The following LRRC20 variants were observed in gnomAD, a reference collection of about 807,000 sequenced individuals.
LRRC20 encodes leucine rich repeat containing 20.
A neutral mutation model predicts 14.4 loss-of-function variants in LRRC20; 11 were observed. The observed-to-expected ratio is 0.77, with a 90% CI of 0.48 to 1.27. LRRC20 has a LOEUF of 1.27. Among genes scored for constraint, LRRC20 ranks in the 50% most tolerant of loss-of-function variants. LRRC20 has a pLI of 0.00. For missense variants in LRRC20, 219 were observed against 251.2 expected (o/e 0.87, Z 0.87); for synonymous variants, 121 against 107.3 (o/e 1.13, Z -0.79).
chr10:70,311,944 T>C (rs1841683724), intron 4 of LRRC20, among the ~76,000 whole-genome samples: 2 of 152,226 alleles, frequency 1.3e-5, no homozygotes, highest in Admixed American at 1.3e-4. Context: ...TCTCACTAAT[T>C]GTTAGCAATA....
chr10:70,374,599 C>G (rs1844437973), intron 2 of LRRC20, among the ~76,000 whole-genome samples: 1 of 152,156 alleles, frequency 6.6e-6, no homozygotes, highest in Admixed American at 6.5e-5. Context: ...CTGCTTCGGC[C>G]TCCCAAAGTG....
At chr10:70,332,932 T>C (rs1290961189) in intron 3 of LRRC20, among the ~76,000 whole-genome samples, 1 of 152,224 alleles carries the variant, frequency 6.6e-6, no homozygotes, top group Non-Finnish European at 1.5e-5. Context: ...GTGCATCTAC[T>C]GCCTAATCAA....
chr10:70,364,369 C>A (rs1032282958), intron 2 of LRRC20, among the ~76,000 whole-genome samples: 4 of 152,228 alleles, frequency 2.6e-5, no homozygotes, highest in African/African-American at 9.6e-5. Flanking sequence ...TGGGCACTCC[C>A]GGGCACATGC....
intron 2 of LRRC20, among the ~76,000 whole-genome samples, chr10:70,358,949 G>T (rs1248126912): frequency 6.6e-6 from 1 of 152,168 alleles, no homozygotes; most frequent in Non-Finnish European, 1.5e-5. Flanking sequence ...CGGGAAGCTT[G>T]GTCTCAGCAT....
At chr10:70,333,800 G>A (rs2136990469) in intron 3 of LRRC20, among the ~76,000 whole-genome samples, 1 of 152,334 alleles carries the variant, frequency 6.6e-6, no homozygotes, top group Admixed American at 6.5e-5. Context: ...ACTCAGGGGA[G>A]ATGGACTCTC....
chr10:70,316,763 C>T (rs1429893389), intron 4 of LRRC20, among the ~76,000 whole-genome samples: 1 of 152,256 alleles, frequency 6.6e-6, no homozygotes. Flanking sequence ...AGCTGGCAAG[C>T]GCTCCTTGCA....
chr10:70,347,829 A>AC (rs942532276), intron 2 of LRRC20, among the ~76,000 whole-genome samples: 1 of 151,012 alleles, frequency 6.6e-6, no homozygotes, highest in Non-Finnish European at 1.5e-5. Flanking sequence ...AAAAAAAAAA[A>AC]AAAACCCAAA....
intron 2 of LRRC20, among the ~76,000 whole-genome samples, chr10:70,364,715 C>A (rs1225625040): frequency 3.9e-5 from 6 of 152,284 alleles, no homozygotes; most frequent in Non-Finnish European, 7.4e-5. Flanking sequence ...AAGAAGCAAG[C>A]GCTCAGCCAA....
intron 1 of LRRC20, among the ~76,000 whole-genome samples, chr10:70,378,076 C>T (rs1295398967): frequency 6.6e-6 from 1 of 152,096 alleles, no homozygotes; most frequent in East Asian, 1.9e-4. Context: ...ACCTGTCTAG[C>T]TCAGAGCCCA....
At chr10:70,372,940 TAAA>T (rs11356425) in intron 2 of LRRC20, among the ~76,000 whole-genome samples, 10 of 137,442 alleles carry the variant, frequency 7.3e-5, no homozygotes, top group East Asian at 2.2e-4. Flanking sequence ...CCATCTCTAC[TAAA>T]AAAAAAAAAA....
chr10:70,331,968 T>C (rs1842554604), intron 3 of LRRC20, among the ~76,000 whole-genome samples: 1 of 152,184 alleles, frequency 6.6e-6, no homozygotes, highest in Admixed American at 6.5e-5. Flanking sequence ...GCCAATTCCA[T>C]TAGGGGACAG....
chr10:70,380,207 G>C (rs1198789199), intron 1 of LRRC20, among the ~76,000 whole-genome samples: 1 of 152,182 alleles, frequency 6.6e-6, no homozygotes, highest in Non-Finnish European at 1.5e-5. Context: ...TACAGGAACA[G>C]AAACAACATG....
chr10:70,336,446 A>C (rs1842728164), intron 3 of LRRC20, among the ~76,000 whole-genome samples: 1 of 152,216 alleles, frequency 6.6e-6, no homozygotes, highest in African/African-American at 2.4e-5. Flanking sequence ...TATCTCTAGC[A>C]ATCATTCAGG....
intron 3 of LRRC20, among the ~76,000 whole-genome samples, chr10:70,325,446 T>C (rs977367758): frequency 9.9e-5 from 15 of 152,180 alleles, no homozygotes; most frequent in Admixed American, 7.9e-4. Flanking sequence ...GAATCAGGCT[T>C]GTGTTCCATG....
chr10:70,314,792 A>G (rs1402664057), intron 4 of LRRC20, among the ~76,000 whole-genome samples: 3 of 152,182 alleles, frequency 2.0e-5, no homozygotes, highest in African/African-American at 7.2e-5. Context: ...AGGAGCTAGC[A>G]GGAGCGGGGC....
chr10:70,366,572 A>G (rs1197830932), intron 2 of LRRC20, among the ~76,000 whole-genome samples: 1 of 152,218 alleles, frequency 6.6e-6, no homozygotes, highest in Middle Eastern at 3.2e-3. Flanking sequence ...ATTACACCCT[A>G]GAGAATGTAT....
At chr10:70,324,226 C>T (rs1842226814) in intron 3 of LRRC20, among the ~76,000 whole-genome samples, 196 bp from the exon 4 acceptor site, 1 of 152,202 alleles carries the variant, frequency 6.6e-6, no homozygotes, top group African/African-American at 2.4e-5. Flanking sequence ...CTACCGCTGC[C>T]CGGGGCCTGC....
At chr10:70,343,565 C>A (rs931338942) in intron 2 of LRRC20, among the ~76,000 whole-genome samples, 4 of 152,212 alleles carry the variant, frequency 2.6e-5, no homozygotes. Context: ...CAGGGAGGAA[C>A]AAGCTCCCAA....
At position 70,372,590 on chromosome 10, in the gene LRRC20, C is replaced by T. The variant is rs370951126; in HGVS notation, c.82+3862G>A. 7.2e-4 allele frequency among the ~76,000 whole-genome samples: 110 copies of T among 151,876 alleles called. 4 individuals are homozygous for T. In the South Asian group the frequency reaches 0.013, roughly 17 times the overall value. On this transcript the variant is annotated intron_variant, in intron 2 of 4. Coordinates refer to ENST00000446961, the MANE Select transcript of LRRC20 (RefSeq NM_001278212.2). Reference sequence around the variant, plus strand: ...CCGAGTAGCTGGGACTACAGGTGCCCGCCACCACGCCCGGCTAATTTTTTT... The same window carrying T: ...CCGAGTAGCTGGGACTACAGGTGCCTGCCACCACGCCCGGCTAATTTTTTT...
Sources: gnomAD v4.1 joint callset for allele counts (sites outside exome capture counted in the v4.1 genomes callset) on GRCh38, gnomAD v4.1.1 for gene constraint, MANE v1.5 for transcripts, NCBI Gene and HGNC (gene_info 2026-07-23, HGNC 2026-07-21) for gene names.